Variants in LMNTD1 observed in about 807,000 individuals in gnomAD.
The protein encoded by LMNTD1 is lamin tail domain-containing protein 1.
LMNTD1 carries 35 observed loss-of-function variants against 50.9 expected under a neutral mutation model. That is an observed-to-expected ratio of 0.69 (90% CI 0.53 to 0.91). The LOEUF (loss-of-function observed/expected upper bound fraction) is 0.91. LMNTD1 is among the 40% of genes least tolerant of loss of function. LMNTD1 has a pLI of 0.00. For synonymous variants in LMNTD1, 153 were observed against 161.9 expected, an observed-to-expected ratio of 0.94 and a Z score of 0.42; for missense variants, 470 against 475.5, an observed-to-expected ratio of 0.99 and a Z score of 0.11.
intron 4 of LMNTD1, among the ~76,000 whole-genome samples, chr12:25,543,593 C>T (rs1276530991): frequency 6.6e-6 from 1 of 151,352 alleles, no homozygotes; most frequent in Non-Finnish European, 1.5e-5. Flanking sequence ...TTATTTTTCT[C>T]TGATCTTTAT....
At chr12:25,478,369 C>A (rs1375113718) in intron 9 of LMNTD1, among the ~76,000 whole-genome samples, 1 of 152,176 alleles carries the variant, frequency 6.6e-6, no homozygotes, top group Admixed American at 6.5e-5. Context: ...AATACTATTA[C>A]ATAAAGTTAA....
Position 25,549,315 on chromosome 12 carries a change from AT to A in LMNTD1, c.310+10del. On this transcript the variant is annotated intron_variant, in intron 3 of 9. Coordinates refer to ENST00000458174, the MANE Select transcript of LMNTD1 (RefSeq NM_001145728.2). ...AGTACTCTAAAAATATGGGTTCCAT[AT>A]TTTGCTTACCCAAGCTGTTTTCCAC... is the stretch of plus-strand genomic sequence containing the variant. 6.5e-7 allele frequency: 1 copy of A among 1,533,426 alleles called. No individual in the cohort carries two copies. 95.0% of individuals were successfully genotyped at this position (1,533,426 alleles called of 1,614,324 possible). A position where few individuals can be genotyped will look rare whatever the true frequency, so the allele number is the denominator to read the frequency against.
At chr12:25,608,176 A>G (rs1192201425) in intron 1 of LMNTD1, among the ~76,000 whole-genome samples, 1 of 152,050 alleles carries the variant, frequency 6.6e-6, no homozygotes, top group South Asian at 2.1e-4. Context: ...TTTGCTTTCC[A>G]TTTGCTTGGT....
Position 25,553,104 on chromosome 12 carries a change from TTAA to T in LMNTD1, c.-69_-67del, listed in dbSNP as rs1441084932. 6.2e-7 allele frequency: 1 copy of T among 1,613,424 alleles called. No homozygotes were observed. The highest frequency in any genetic ancestry group is 1.1e-5 in the South Asian group (1 of 91,008). ...AACTACCTTCAAGCATCAGCTAGGT[TTAA>T]TAATTTCTTTACCAAACTAGTACCA... On this transcript the variant is annotated 5_prime_UTR_variant, in exon 1 of 10. Transcript: ENST00000458174.
chr12:25,570,646 C>A (rs1389661605), intron 1 of LMNTD1, among the ~76,000 whole-genome samples: 1 of 152,104 alleles, frequency 6.6e-6, no homozygotes, highest in Non-Finnish European at 1.5e-5. Context: ...CAGGGAAGAC[C>A]AGACTGTGGA....
At chr12:25,633,433 G>T (rs540358983) in intron 1 of LMNTD1, among the ~76,000 whole-genome samples, 1 of 152,126 alleles carries the variant, frequency 6.6e-6, no homozygotes, top group South Asian at 2.1e-4. Context: ...GGCCATAAAA[G>T]GAGCCTCAAT....
chr12:25,499,246 AT>A (rs968576608), intron 9 of LMNTD1, among the ~76,000 whole-genome samples: 1 of 151,652 alleles, frequency 6.6e-6, no homozygotes, highest in East Asian at 1.9e-4. Context: ...TGTTTTTTAA[AT>A]TTTTTTTGTA....
chr12:25,550,650 T>C (rs934570642), intron 2 of LMNTD1, among the ~76,000 whole-genome samples: 1 of 152,200 alleles, frequency 6.6e-6, no homozygotes, highest in Non-Finnish European at 1.5e-5. Context: ...TTTCAGGTTC[T>C]TACAGGAGAA....
intron 3 of LMNTD1, 68 bp from the exon 4 acceptor site, chr12:25,546,622 A>C: frequency 1.0e-6 from 1 of 957,698 alleles, no homozygotes; most frequent in Non-Finnish European, 1.4e-6. Context: ...AAAGGACCTA[A>C]AGCCATTATC....
At chr12:25,630,160 G>T (rs1330182722) in intron 1 of LMNTD1, among the ~76,000 whole-genome samples, 1 of 152,132 alleles carries the variant, frequency 6.6e-6, no homozygotes, top group African/African-American at 2.4e-5. Context: ...CTGGAGGAAA[G>T]AAACTTAACC....
intron 1 of LMNTD1, among the ~76,000 whole-genome samples, chr12:25,572,345 C>A (rs1486268777): frequency 6.6e-6 from 1 of 152,094 alleles, no homozygotes; most frequent in Non-Finnish European, 1.5e-5. Flanking sequence ...TTATTTGATG[C>A]AAATGGCTAA....
intron 9 of LMNTD1, among the ~76,000 whole-genome samples, chr12:25,495,284 A>T (rs1472341608): frequency 1.0e-4 from 4 of 39,318 alleles, no homozygotes; most frequent in Non-Finnish European, 8.8e-5. Flanking sequence ...GTGTGTGTGT[A>T]GGCAGGATAG....
intron 1 of LMNTD1, among the ~76,000 whole-genome samples, chr12:25,643,990 G>T (rs953080545): frequency 6.6e-6 from 1 of 152,164 alleles, no homozygotes; most frequent in Non-Finnish European, 1.5e-5. Flanking sequence ...GAAAGGATTG[G>T]CCAGAGCTAG....
At chr12:25,558,554 T>G (rs1944137035) in intron 1 of LMNTD1, among the ~76,000 whole-genome samples, 1 of 152,224 alleles carries the variant, frequency 6.6e-6, no homozygotes, top group Admixed American at 6.5e-5. Flanking sequence ...ATTGTTTAAT[T>G]TCTATGTTGT....
chr12:25,614,354 T>C (rs1010135537), intron 1 of LMNTD1, among the ~76,000 whole-genome samples: 10 of 152,150 alleles, frequency 6.6e-5, no homozygotes, highest in Non-Finnish European at 1.3e-4. Flanking sequence ...ATTCCCTTGA[T>C]GAGCTCCCTA....
intron 1 of LMNTD1, among the ~76,000 whole-genome samples, chr12:25,579,514 C>T (rs1397393388): frequency 2.0e-5 from 3 of 152,058 alleles, no homozygotes; most frequent in Admixed American, 6.6e-5. Flanking sequence ...TACAAGGCAT[C>T]GACTAATAAA....
intron 1 of LMNTD1, among the ~76,000 whole-genome samples, chr12:25,570,490 G>A (rs1944742069): frequency 6.6e-6 from 1 of 152,196 alleles, no homozygotes; most frequent in Non-Finnish European, 1.5e-5. Flanking sequence ...TATTAAGTGT[G>A]TGCAGTGGCT....
At chr12:25,627,146 T>C (rs1382310521) in intron 1 of LMNTD1, among the ~76,000 whole-genome samples, 1 of 152,222 alleles carries the variant, frequency 6.6e-6, no homozygotes, top group Non-Finnish European at 1.5e-5. Flanking sequence ...AGGTCAAATC[T>C]GGCAGCGTAT....
chr12:25,617,378 A>T (rs940597650), intron 1 of LMNTD1, among the ~76,000 whole-genome samples: 1 of 152,144 alleles, frequency 6.6e-6, no homozygotes, highest in African/African-American at 2.4e-5. Flanking sequence ...CTTCACTGAC[A>T]TCAGTCAAAC....
Sources: allele counts gnomAD v4.1 joint callset (sites outside exome capture counted in the v4.1 genomes callset), GRCh38; gene constraint gnomAD v4.1.1; transcripts MANE v1.5; gene names NCBI Gene and HGNC (gene_info 2026-07-23, HGNC 2026-07-21).